Variants in HTR4 observed in about 807,000 individuals in gnomAD.
HTR4 encodes 5-hydroxytryptamine (serotonin) receptor 4, G protein-coupled.
A neutral mutation model predicts 36.8 loss-of-function variants in HTR4; 16 were observed. That is an observed-to-expected ratio of 0.43 (90% CI 0.29 to 0.66). HTR4 has a LOEUF of 0.66. Among genes scored for constraint, HTR4 ranks in the 30% least tolerant of loss-of-function variants. The probability of loss-of-function intolerance (pLI) is 0.13; values close to 1 mark genes in which losing one functional copy is unlikely to be tolerated. For missense variants in HTR4, 438 were observed against 490.9 expected (o/e 0.89, Z 1.02); for synonymous variants, 189 against 185.1 (o/e 1.02, Z -0.17).
At chr5:148,625,944 T>C (rs527245758) in intron 2 of HTR4, among the ~76,000 whole-genome samples, 67 of 152,020 alleles carry the variant, frequency 4.4e-4, no homozygotes, top group African/African-American at 1.6e-3. Flanking sequence ...TTCACACAGA[T>C]GCACTTCATG....
intron 2 of HTR4, among the ~76,000 whole-genome samples, chr5:148,552,948 T>C (rs1759769308): frequency 6.6e-6 from 1 of 152,228 alleles, no homozygotes; most frequent in Non-Finnish European, 1.5e-5. Context: ...CTTTGAAGCC[T>C]GGTTGAAAGT....
intron 2 of HTR4, among the ~76,000 whole-genome samples, chr5:148,567,753 C>T (rs1391315242): frequency 6.6e-6 from 1 of 152,104 alleles, no homozygotes; most frequent in Non-Finnish European, 1.5e-5. Context: ...TCAAAGGTGT[C>T]CCCATCAAAG....
At chr5:148,631,891 T>G (rs1753336320) in intron 2 of HTR4, among the ~76,000 whole-genome samples, 1 of 152,090 alleles carries the variant, frequency 6.6e-6, no homozygotes, top group Admixed American at 6.6e-5. Context: ...ATATAAATAT[T>G]ATGTATTTTA....
intron 2 of HTR4, among the ~76,000 whole-genome samples, chr5:148,606,594 A>G (rs1012107018): frequency 1.3e-5 from 2 of 152,224 alleles, no homozygotes; most frequent in African/African-American, 2.4e-5. Flanking sequence ...TATTCAGTAT[A>G]TAATATGTGC....
At chr5:148,542,234 GA>G (rs1759152968) in intron 4 of HTR4, among the ~76,000 whole-genome samples, 1 of 152,214 alleles carries the variant, frequency 6.6e-6, no homozygotes, top group African/African-American at 2.4e-5. Flanking sequence ...TGCCCTAAAA[GA>G]GTATGTGAGA....
intron 2 of HTR4, among the ~76,000 whole-genome samples, chr5:148,580,821 A>G (rs780080509): frequency 1.4e-4 from 22 of 152,080 alleles, no homozygotes; most frequent in Non-Finnish European, 2.1e-4. Context: ...TATTGTTGCC[A>G]TGAACATGGG....
chr5:148,646,855 A>T (rs73797943), intron 1 of HTR4, among the ~76,000 whole-genome samples: 3,440 of 152,332 alleles, frequency 0.023, 142 homozygotes, highest in African/African-American at 0.079. Context: ...TGCCCAAAGC[A>T]ATTCCAGACC....
At chr5:148,504,133 A>G (rs889591373) in intron 6 of HTR4, among the ~76,000 whole-genome samples, 1 of 152,226 alleles carries the variant, frequency 6.6e-6, no homozygotes, top group Non-Finnish European at 1.5e-5. Flanking sequence ...TCAGCTCTGC[A>G]TCAAGCAGAC....
chr5:148,567,044 G>A (rs1030005499), intron 2 of HTR4, among the ~76,000 whole-genome samples: 10 of 151,720 alleles, frequency 6.6e-5, no homozygotes, highest in African/African-American at 2.4e-4. Flanking sequence ...CGCACGTATT[G>A]TTCCTCTCAC....
At chr5:148,460,159 A>G (rs912982065) in intron 5 of HTR4, among the ~76,000 whole-genome samples, 1 of 148,624 alleles carries the variant, frequency 6.7e-6, no homozygotes, top group South Asian at 2.1e-4. Flanking sequence ...TGGGACAACT[A>G]AAAAAAAAAG....
intron 6 of HTR4, among the ~76,000 whole-genome samples, chr5:148,490,048 A>G (rs1187723950): frequency 6.6e-6 from 1 of 151,930 alleles, no homozygotes; most frequent in African/African-American, 2.4e-5. Context: ...AGGAAAGAGC[A>G]TCCTAAAATC....
intron 5 of HTR4, among the ~76,000 whole-genome samples, chr5:148,453,245 C>T (rs1467208561): frequency 6.6e-6 from 1 of 152,184 alleles, no homozygotes; most frequent in African/African-American, 2.4e-5. Context: ...TCTGGACAGT[C>T]CCTCTTTCTC....
Position 148,531,715 on chromosome 5 carries a change from C to T in HTR4, c.354-8369G>A, listed in dbSNP as rs370907335. Among the ~76,000 whole-genome samples, 31 of 152,244 alleles carry T rather than the reference C, an allele frequency of 2.0e-4. 1 individual carries two copies. The highest frequency in any genetic ancestry group is 3.4e-4 in the African/African-American group (14 of 41,564). The stretch of plus-strand genomic sequence containing the variant: ...AAAGTTTCCTCTAAAAATCAATTTT[C>T]GGTAACTTGTAGTTTTTCCCTCTGG... On this transcript the variant is annotated intron_variant, in intron 4 of 6. Transcript: ENST00000377888.
intron 2 of HTR4, among the ~76,000 whole-genome samples, chr5:148,569,746 G>C (rs1760601078): frequency 6.6e-6 from 1 of 151,826 alleles, no homozygotes; most frequent in African/African-American, 2.4e-5. Context: ...GAGAAGAAGA[G>C]GGAGACAGAA....
At chr5:148,471,419 A>G (rs902653448) in intron 5 of HTR4, among the ~76,000 whole-genome samples, 6 of 152,148 alleles carry the variant, frequency 3.9e-5, no homozygotes, top group African/African-American at 1.4e-4. Flanking sequence ...TGTATTTTGC[A>G]TTTGAATCAT....
chr5:148,510,982 C>G (rs147978320), intron 5 of HTR4, among the ~76,000 whole-genome samples: 1 of 152,174 alleles, frequency 6.6e-6, no homozygotes, highest in African/African-American at 2.4e-5. Flanking sequence ...AGAACCTAGA[C>G]AACACTCAAT....
At chr5:148,476,513 G>T, downstream of HTR4, 1 of 1,238,092 alleles carries the variant, frequency 8.1e-7, no homozygotes, top group Non-Finnish European at 1.0e-6. Flanking sequence ...GAAGGCTGCA[G>T]CTTTTGAAGT....
At chr5:148,465,522 G>A (rs1209822568) in intron 5 of HTR4, among the ~76,000 whole-genome samples, 1 of 152,172 alleles carries the variant, frequency 6.6e-6, no homozygotes, top group Non-Finnish European at 1.5e-5. Flanking sequence ...AGCACTGGGG[G>A]TAATCCAGAT....
At chr5:148,578,979 C>T (rs1013907378) in intron 2 of HTR4, among the ~76,000 whole-genome samples, 2 of 152,046 alleles carry the variant, frequency 1.3e-5, no homozygotes, top group African/African-American at 4.8e-5. Context: ...ATCAGTCATC[C>T]TTCAGAAACT....
Sources: allele counts gnomAD v4.1 joint callset (sites outside exome capture counted in the v4.1 genomes callset), GRCh38; gene constraint gnomAD v4.1.1; transcripts MANE v1.5; gene names NCBI Gene and HGNC (gene_info 2026-07-23, HGNC 2026-07-21).